The following KANSL2 variants were observed in gnomAD, a reference collection of about 807,000 sequenced individuals.
KANSL2 encodes NSL complex protein NSL2.
A neutral mutation model predicts 55.6 loss-of-function variants in KANSL2; 34 were observed. The observed-to-expected ratio is 0.61, with a 90% CI of 0.46 to 0.81. The LOEUF is 0.81. Ranked by LOEUF, KANSL2 falls within the 40% of genes least tolerant of loss-of-function variation. KANSL2 has a pLI of 0.00. For synonymous variants in KANSL2, 209 were observed against 214.3 expected (o/e 0.98, Z 0.22); for missense variants, 502 against 609.9 (o/e 0.82, Z 1.86).
intron 4 of KANSL2, among the ~76,000 whole-genome samples, chr12:48,672,409 G>GTATATATATATA (rs10622680): frequency 3.2e-5 from 4 of 123,378 alleles, no homozygotes; most frequent in South Asian, 5.3e-4. Flanking sequence ...ATATATATAC[G>GTATATATATATA]TATATATATA....
intron 4 of KANSL2, among the ~76,000 whole-genome samples, chr12:48,672,984 C>T (rs1001334470): frequency 6.6e-6 from 1 of 152,016 alleles, no homozygotes; most frequent in African/African-American, 2.4e-5. Flanking sequence ...GTCTTAACTC[C>T]TGACCTCAGA....
chr12:48,681,547 G>A lies in KANSL2; in HGVS notation c.86C>T (p.Ala29Val), dbSNP rs1363255011. 1.2e-6 allele frequency: 2 copies of A among 1,613,856 alleles called. No homozygotes were observed. The highest frequency in any genetic ancestry group is 1.3e-5 in the African/African-American group (1 of 74,918). ...VPRSQEPLSC[A>V]FTHRPCSHPR... The stretch of plus-strand genomic sequence containing the variant: ...GTGAGAGCATGGACGATGAGTGAAT[G>A]CACAAGACAGAGGTTCCTGAGACCT... The change falls in exon 2 of 10, where the codon GCA becomes GTA. Residue 29 changes from alanine (A) to valine (V), a missense_variant. Transcript: ENST00000420613.
At chr12:48,671,081 A>G (rs933264189) in intron 5 of KANSL2, among the ~76,000 whole-genome samples, 6 of 152,274 alleles carry the variant, frequency 3.9e-5, no homozygotes, top group African/African-American at 9.6e-5. Context: ...CCTGGCCAAC[A>G]TGGCAAAACC....
rs909911931 is a variant in KANSL2, at chr12:48,653,304, T to G, written c.*740A>C. Reference sequence around the variant, plus strand: ...AATGAGCTACTGAAGATTTATTTACTTCTTGGGATGGAAGTATCATCTGTC... The same window carrying G: ...AATGAGCTACTGAAGATTTATTTACGTCTTGGGATGGAAGTATCATCTGTC... On this transcript the variant is annotated 3_prime_UTR_variant, in exon 10 of 10. Transcript: ENST00000420613. The G allele has an allele frequency of 1.3e-5, 2 of 152,638 alleles. No homozygotes were observed. The highest frequency in any genetic ancestry group is 2.9e-5 in the Non-Finnish European group (2 of 68,040). 9.5% of individuals were successfully genotyped at this position (152,638 alleles called of 1,614,324 possible). A position where few individuals can be genotyped will look rare whatever the true frequency, so the allele number is the denominator to read the frequency against.
At chr12:48,677,223 A>T (rs1286707348) in intron 4 of KANSL2, among the ~76,000 whole-genome samples, 1 of 152,130 alleles carries the variant, frequency 6.6e-6, no homozygotes, top group Non-Finnish European at 1.5e-5. Context: ...CCTCTAGGAG[A>T]GAGTGACATC....
At chr12:48,674,970 TA>T (rs969350260) in intron 4 of KANSL2, among the ~76,000 whole-genome samples, 146 of 146,272 alleles carry the variant, frequency 1.0e-3, no homozygotes, top group African/African-American at 3.5e-3. Flanking sequence ...AATAAATAAA[TA>T]AAAATAATAT....
At chr12:48,656,610 T>TAAAA (rs149545016) in intron 8 of KANSL2, 53 of 326,274 alleles carry the variant, frequency 1.6e-4, no homozygotes, top group East Asian at 3.5e-4. Context: ...TTTTGCTCTG[T>TAAAA]AAAAAAAAAA....
intron 7 of KANSL2, among the ~76,000 whole-genome samples, chr12:48,665,844 T>G (rs929128764): frequency 1.3e-5 from 2 of 152,162 alleles, no homozygotes; most frequent in African/African-American, 4.8e-5. Context: ...TTTTTGGAAA[T>G]AGCAAACTTC....
chr12:48,659,061 A>G (rs1939442723), intron 8 of KANSL2, among the ~76,000 whole-genome samples: 1 of 152,182 alleles, frequency 6.6e-6, no homozygotes, highest in South Asian at 2.1e-4. Context: ...TGGGAGGCCA[A>G]GGTGGGTGGG....
At chr12:48,658,393 G>T (rs1939429506) in intron 8 of KANSL2, among the ~76,000 whole-genome samples, 1 of 152,052 alleles carries the variant, frequency 6.6e-6, no homozygotes, top group African/African-American at 2.4e-5. Flanking sequence ...CCTAAAATAA[G>T]AAAATCAGCA....
intron 1 of KANSL2, 42 bp from the exon 2 acceptor site, chr12:48,681,683 C>A: frequency 1.2e-6 from 2 of 1,612,820 alleles, no homozygotes; most frequent in Non-Finnish European, 1.7e-6. Flanking sequence ...TTACCCTTCC[C>A]GAAAATTCCT....
intron 9 of KANSL2, 121 bp downstream of exon 9, chr12:48,654,820 G>A: frequency 3.1e-6 from 3 of 968,164 alleles, no homozygotes; most frequent in Non-Finnish European, 4.6e-6. Flanking sequence ...GACATGTGGA[G>A]CATCTTTATA....
chr12:48,667,517 C>T (rs948806812), intron 7 of KANSL2, 176 bp downstream of exon 7: 1 of 736,434 alleles, frequency 1.4e-6, no homozygotes, highest in African/African-American at 1.7e-5. Flanking sequence ...GGCCAACAGA[C>T]CATAGAAAGA....
rs757892896 is a variant in KANSL2 at position 48,681,548 on chromosome 12, C to A, written c.85G>T (p.Ala29Ser). Residue 29 changes from alanine to serine, a missense_variant, in exon 2 of 10, where the codon GCA becomes TCA. Physicochemically the swap from Ala to Ser is moderately conservative, Grantham distance 99 (BLOSUM62 1). Transcript: ENST00000420613. ...TGAGAGCATGGACGATGAGTGAATG[C>A]ACAAGACAGAGGTTCCTGAGACCTG... ...VPRSQEPLSCAFTHRPCSHPR... is the reference protein window; with the variant it reads ...VPRSQEPLSCSFTHRPCSHPR... 6.2e-7 allele frequency: 1 copy of A among 1,613,910 alleles called. No individual in the cohort carries two copies. Among genetic ancestry groups the A allele is most frequent in the African/African-American group, 1.3e-5 (1 of 74,934 alleles).
At chr12:48,678,776 T>C (rs1939869467) in intron 4 of KANSL2, among the ~76,000 whole-genome samples, 1 of 152,176 alleles carries the variant, frequency 6.6e-6, no homozygotes, top group African/African-American at 2.4e-5. Context: ...ATGTCTAAAT[T>C]TCCTGTTTTC....
intron 7 of KANSL2, among the ~76,000 whole-genome samples, chr12:48,664,279 A>AT (rs36046064): frequency 7.0e-4 from 97 of 138,272 alleles, no homozygotes; most frequent in Non-Finnish European, 8.1e-4. Flanking sequence ...GTTTTAAGCA[A>AT]TTTTTTTTTT....
intron 5 of KANSL2, among the ~76,000 whole-genome samples, 185 bp downstream of exon 5, chr12:48,671,614 C>T (rs970844019): frequency 2.0e-5 from 3 of 152,186 alleles, no homozygotes; most frequent in Admixed American, 6.5e-5. Flanking sequence ...CATGCTTGTA[C>T]AGGTTTGCAG....
chr12:48,672,418 T>TATATATATAC (rs1939738115), intron 4 of KANSL2, among the ~76,000 whole-genome samples: 1 of 112,996 alleles, frequency 8.8e-6, no homozygotes, highest in Admixed American at 8.4e-5. Context: ...CGTATATATA[T>TATATATATAC]ATATATATAT....
intron 4 of KANSL2, among the ~76,000 whole-genome samples, chr12:48,677,784 CAAAAAAAAAAAAAAA>C (rs56147873): frequency 1.7e-4 from 8 of 47,666 alleles, no homozygotes; most frequent in African/African-American, 4.4e-4. Flanking sequence ...GACTCCATCT[CAAAAAAAAAAAAAAA>C]AAAAAAAAAA....
Sources: gnomAD v4.1 joint callset for allele counts (sites outside exome capture counted in the v4.1 genomes callset) on GRCh38, gnomAD v4.1.1 for gene constraint, MANE v1.5 for transcripts, NCBI Gene and HGNC (gene_info 2026-07-23, HGNC 2026-07-21) for gene names.